RIC8B: variants seen among roughly 807,000 people sequenced by gnomAD.
RIC8B encodes RIC8 guanine nucleotide exchange factor B, also known as chaperone Ric-8B.
In RIC8B, 16 loss-of-function variants were observed where a neutral mutation model predicts 57.5. That is an observed-to-expected ratio of 0.28 (90% CI 0.19 to 0.42). The LOEUF is 0.42. Among genes scored for constraint, RIC8B ranks in the 10% least tolerant of loss-of-function variants. RIC8B has a pLI of 1.00. For missense variants in RIC8B, 481 were observed against 677.0 expected (o/e 0.71, Z 3.21); for synonymous variants, 216 against 250.8 (o/e 0.86, Z 1.31).
At position 106,816,451 on chromosome 12, in the gene RIC8B, A is replaced by G. The variant is rs184522608; in HGVS notation, c.741+1147A>G. On this transcript the variant is annotated intron_variant, in intron 3 of 9. Transcript: ENST00000392837. ...TGGTCAGTTTTTCCTGGGACTTGGC[A>G]AGAAAAGATGTGGAAAGCCCACATG... Among the ~76,000 whole-genome samples the G allele has an allele frequency of 2.4e-4, 36 of 152,350 alleles. 1 individual carries two copies. In the East Asian group the frequency reaches 6.2e-3, roughly 26 times the overall value.
chr12:106,850,182 T>C (rs1057389939), intron 6 of RIC8B, among the ~76,000 whole-genome samples: 4 of 152,206 alleles, frequency 2.6e-5, no homozygotes, highest in African/African-American at 9.6e-5. Context: ...CAGTTTCATC[T>C]TGAAACCACC....
intron 6 of RIC8B, among the ~76,000 whole-genome samples, chr12:106,850,800 G>T (rs1949438217): frequency 6.6e-6 from 1 of 152,060 alleles, no homozygotes; most frequent in South Asian, 2.1e-4. Flanking sequence ...AATAAAGGTT[G>T]AGTGTCCCTA....
intron 2 of RIC8B, among the ~76,000 whole-genome samples, chr12:106,790,376 A>G (rs1343671456): frequency 6.6e-6 from 1 of 152,238 alleles, no homozygotes; most frequent in African/African-American, 2.4e-5. Context: ...AGAAGTGCTT[A>G]CATTTTTCTA....
chr12:106,800,548 C>T (rs913131809), intron 2 of RIC8B, among the ~76,000 whole-genome samples: 5 of 152,110 alleles, frequency 3.3e-5, no homozygotes, highest in South Asian at 2.1e-4. Context: ...TATCACTGTT[C>T]GAAAGCCCCA....
At chr12:106,792,521 T>C (rs2044302362) in intron 2 of RIC8B, among the ~76,000 whole-genome samples, 1 of 152,232 alleles carries the variant, frequency 6.6e-6, no homozygotes, top group African/African-American at 2.4e-5. Context: ...TGTGAAGATC[T>C]CTACAGATCT....
intron 2 of RIC8B, among the ~76,000 whole-genome samples, chr12:106,812,878 T>C (rs1430384084): frequency 6.6e-6 from 1 of 152,192 alleles, no homozygotes; most frequent in East Asian, 1.9e-4. Flanking sequence ...AGGGATAGAA[T>C]TGACAATGTT....
At chr12:106,861,212 C>T (rs899458972) in intron 8 of RIC8B, among the ~76,000 whole-genome samples, 1 of 151,962 alleles carries the variant, frequency 6.6e-6, no homozygotes, top group African/African-American at 2.4e-5. Context: ...AAAAGCATGC[C>T]CTTTCCTTGT....
In RIC8B at chr12:106,879,773, A is replaced by G; in HGVS notation, c.1572-6131A>G. 1 of 985,382 alleles carries G rather than the reference A, an allele frequency of 1.0e-6. No individual in the cohort carries two copies. The highest frequency in any genetic ancestry group is 1.2e-6 in the Non-Finnish European group (1 of 829,936). 61.0% of individuals were successfully genotyped at this position (985,382 alleles called of 1,614,324 possible). A position where few individuals can be genotyped will look rare whatever the true frequency, so the allele number is the denominator to read the frequency against. On this transcript the variant is annotated intron_variant, in intron 9 of 9. Coordinates refer to ENST00000392837, the MANE Select transcript of RIC8B (RefSeq NM_001330145.2). This position sits in a 1 kb window ranked among gnomAD's most constrained non-coding sequence, Gnocchi z 4.9. ...AAATTTCTAAATGATGTTTCGTTCC[A>G]GTTGAACATTCTTGGAGGCTTATCT...
chr12:106,851,588 G>A lies in RIC8B; in HGVS notation c.1300G>A (p.Glu434Lys). 2.5e-6 allele frequency: 4 copies of A among 1,612,178 alleles called. No homozygotes were observed. Among genetic ancestry groups the A allele is most frequent in the Non-Finnish European group, 3.4e-6 (4 of 1,179,768 alleles). The change falls in exon 7 of 10, where the codon GAG becomes AAG. Residue 434 changes from glutamate to lysine, a missense_variant. By Grantham distance (56) the Glu-to-Lys change is moderately conservative. This residue lies in a region of RIC8B where 421 missense variants were observed against 560.9 expected (regional missense o/e 0.75). Transcript: ENST00000392837. ...TGAATTCCTTTTTGTCCTTTGCAAA[G>A]AGAGAGGTAGGTTAAACTCTCTTTG... ...AAEFLFVLCK[E>K]RVDSLLKYTG...
chr12:106,853,839 G>A (rs1366204989), intron 7 of RIC8B, among the ~76,000 whole-genome samples: 1 of 151,996 alleles, frequency 6.6e-6, no homozygotes, highest in Non-Finnish European at 1.5e-5. Flanking sequence ...ACAGACATTT[G>A]TTCAACAAAT....
intron 9 of RIC8B, chr12:106,878,883 G>C: frequency 1.5e-6 from 1 of 646,286 alleles, no homozygotes; most frequent in Non-Finnish European, 1.9e-6. Context: ...AAAAGGATCG[G>C]AACTATTATG....
intron 2 of RIC8B, among the ~76,000 whole-genome samples, chr12:106,794,311 G>C (rs1403284676): frequency 6.6e-6 from 1 of 151,968 alleles, no homozygotes; most frequent in African/African-American, 2.4e-5. Flanking sequence ...TTAGAGAATT[G>C]TGGAATAACA....
intron 4 of RIC8B, among the ~76,000 whole-genome samples, chr12:106,840,512 A>G (rs749601100): frequency 6.6e-6 from 1 of 152,060 alleles, no homozygotes; most frequent in African/African-American, 2.4e-5. Context: ...AATTTCATAC[A>G]CTCTTCTACC....
At chr12:106,810,290 TAAA>T (rs60993772) in intron 2 of RIC8B, among the ~76,000 whole-genome samples, 2 of 122,658 alleles carry the variant, frequency 1.6e-5, no homozygotes, top group East Asian at 2.2e-4. Flanking sequence ...ATACAGCTGG[TAAA>T]AAAAAAAAAA....
chr12:106,879,574 A>G lies in RIC8B; in HGVS notation c.1572-6330A>G, dbSNP rs906014810. The G allele has an allele frequency of 2.0e-6, 2 of 985,138 alleles. No individual in the cohort carries two copies. The highest frequency in any genetic ancestry group is 3.5e-5 in the African/African-American group (2 of 57,214). 61.0% of individuals were successfully genotyped at this position (985,138 alleles called of 1,614,324 possible). On this transcript the variant is annotated intron_variant, in intron 9 of 9. Transcript: ENST00000392837. This position sits in a 1 kb window ranked among gnomAD's most constrained non-coding sequence, Gnocchi z 4.9. ...CCAGAATATTTTAAATATGGTGTAA[A>G]TTCCGTATCTCCCATCCCTAGCTCT...
chr12:106,827,074 CAAAT>C (rs1036544264), intron 4 of RIC8B, among the ~76,000 whole-genome samples: 4 of 152,204 alleles, frequency 2.6e-5, no homozygotes, highest in Non-Finnish European at 4.4e-5. Flanking sequence ...GACCCTGTCT[CAAAT>C]AAATAAATAA....
At chr12:106,790,532 G>A (rs1268195333) in intron 2 of RIC8B, among the ~76,000 whole-genome samples, 1 of 152,176 alleles carries the variant, frequency 6.6e-6, no homozygotes, top group African/African-American at 2.4e-5. Flanking sequence ...TTGGTAGGCT[G>A]TGATTATCTA....
intron 4 of RIC8B, among the ~76,000 whole-genome samples, chr12:106,835,599 C>T (rs1453494202): frequency 1.3e-5 from 2 of 152,182 alleles, no homozygotes; most frequent in Admixed American, 1.3e-4. Context: ...AGAATTCAAA[C>T]CCAGTGCTTT....
chr12:106,797,928 G>T, intron 2 of RIC8B: 2 of 631,192 alleles, frequency 3.2e-6, no homozygotes, highest in South Asian at 1.9e-5. Context: ...TAATTGGATT[G>T]ACCTGTTGTG....
Sources: allele counts gnomAD v4.1 joint callset (sites outside exome capture counted in the v4.1 genomes callset), GRCh38; gene constraint gnomAD v4.1.1; regional missense constraint gnomAD v4.1.1; non-coding constraint Gnocchi (gnomAD v3.1); transcripts MANE v1.5; gene names NCBI Gene and HGNC (gene_info 2026-07-23, HGNC 2026-07-21).